TUBGCP2: variants seen among roughly 807,000 people sequenced by gnomAD.
TUBGCP2 encodes the protein tubulin gamma complex component 2, also known as gamma-tubulin complex component 2.
A neutral mutation model predicts 92.2 loss-of-function variants in TUBGCP2; 55 were observed. The ratio of observed to expected loss-of-function variants is 0.60; its 90% confidence interval spans 0.48 to 0.75. The LOEUF is 0.75. Among genes scored for constraint, TUBGCP2 ranks in the 30% least tolerant of loss-of-function variants. TUBGCP2 has a pLI of 0.00. For synonymous variants in TUBGCP2, 533 were observed against 505.2 expected (o/e 1.06, Z -0.74); for missense variants, 1,093 against 1,188.9 (o/e 0.92, Z 1.19).
chr10:133,298,145 A>G (rs758794969), intron 4 of TUBGCP2, 34 bp from the exon 5 acceptor site: 17 of 1,606,540 alleles, frequency 1.1e-5, no homozygotes, highest in Non-Finnish European at 1.4e-5. Context: ...AAAACCAGAA[A>G]GATACACTTT....
Position 133,305,370 on chromosome 10 carries a change from A to G in TUBGCP2, c.-39-2390T>C, listed in dbSNP as rs1253916406. 3.3e-5 allele frequency among the ~76,000 whole-genome samples: 5 copies of G among 152,168 alleles called. 1 individual carries two copies. Among genetic ancestry groups the G allele is most frequent in the Admixed American group, 3.3e-4 (5 of 15,282 alleles). ...CATGACACACATGACCTTATCAATC[A>G]TTGGAGATGACTCACACTCTTTACC... On this transcript the variant is annotated intron_variant, in intron 1 of 17. Coordinates refer to ENST00000252936, the MANE Select transcript of TUBGCP2 (RefSeq NM_006659.4).
rs561741973 is a variant in TUBGCP2 at position 133,297,772 on chromosome 10, G to A, written c.616+180C>T. Among the ~76,000 whole-genome samples, 9 of 152,380 alleles carry A rather than the reference G, an allele frequency of 5.9e-5. No homozygotes were observed. In the South Asian group the frequency reaches 1.2e-3, roughly 21 times the overall value. ...CATCCTGGGATGGGAATATGGAGGC[G>A]GCAGCCAGTCAGCATTGAGCCTCAC... is the stretch of plus-strand genomic sequence containing the variant. On this transcript the variant is annotated intron_variant, in intron 5 of 17. Transcript: ENST00000252936.
upstream of TUBGCP2, chr10:133,309,278 G>T (rs1847926986): frequency 5.0e-6 from 7 of 1,403,454 alleles, no homozygotes; most frequent in South Asian, 9.4e-5. Flanking sequence ...GCCTGAGGCT[G>T]TGGGGCGGGA....
At chr10:133,282,198 C>T (rs1298775044) in intron 16 of TUBGCP2, 25 bp downstream of exon 16, 2 of 1,611,098 alleles carry the variant, frequency 1.2e-6, no homozygotes, top group South Asian at 2.2e-5. Flanking sequence ...GCGTCTCTCT[C>T]TGGCCAAACC....
At position 133,282,277 on chromosome 10, in the gene TUBGCP2, G is replaced by A. The variant is rs1847003521; in HGVS notation, c.2355C>T (p.Val785=). The change falls in exon 16 of 18, where the codon GTC becomes GTT. Residue 785 remains valine (V), a synonymous_variant. Transcript: ENST00000252936. ...CCTCGGCCCCTGCGGGCAGCCCCAG[G>A]ACGGTGCTGTGCTCCAGCGTCTGCC... The part of the protein sequence containing the change: ...LGGQTLEHST[V]LGLPAGAEER... 6.2e-7 allele frequency: 1 copy of A among 1,609,930 alleles called. No homozygotes were observed. The highest frequency in any genetic ancestry group is 1.3e-5 in the African/African-American group (1 of 74,832).
chr10:133,284,953 C>T (rs1271494522), intron 13 of TUBGCP2, 132 bp downstream of exon 13: 9 of 1,342,910 alleles, frequency 6.7e-6, no homozygotes, highest in African/African-American at 4.4e-5. Flanking sequence ...CACCAACGTG[C>T]GCTTCCAGAT....
At chr10:133,286,762 T>A (rs775207629) in intron 11 of TUBGCP2, among the ~76,000 whole-genome samples, 4 of 152,160 alleles carry the variant, frequency 2.6e-5, no homozygotes, top group Non-Finnish European at 5.9e-5. Flanking sequence ...TTCACAAACA[T>A]GTGGAAGTTA....
intron 2 of TUBGCP2, among the ~76,000 whole-genome samples, chr10:133,301,055 G>C (rs3008349): frequency 0.21 from 31,524 of 151,998 alleles, 4,084 homozygotes; most frequent in African/African-American, 0.36. Context: ...TGTATTCCCC[G>C]CAGTAGTTTA....
chr10:133,283,447 G>A (rs985279163), intron 14 of TUBGCP2, among the ~76,000 whole-genome samples: 4 of 152,242 alleles, frequency 2.6e-5, no homozygotes, highest in African/African-American at 4.8e-5. Flanking sequence ...GGGAGGCTGC[G>A]GCAGCTTCTG....
chr10:133,301,260 C>CT (rs1258866451), intron 2 of TUBGCP2, among the ~76,000 whole-genome samples: 2 of 152,176 alleles, frequency 1.3e-5, no homozygotes, highest in Non-Finnish European at 2.9e-5. Flanking sequence ...TCCTGAGTAG[C>CT]TGCATTACTG....
chr10:133,311,102 G>A (rs1237566297), upstream of TUBGCP2, among the ~76,000 whole-genome samples: 3 of 152,080 alleles, frequency 2.0e-5, no homozygotes, highest in Non-Finnish European at 2.9e-5. Context: ...ATGTCCAGCC[G>A]GAACAATTTT....
chr10:133,283,239 A>C lies in TUBGCP2; in HGVS notation c.2146-18T>G. The C allele has an allele frequency of 6.2e-7, 1 of 1,613,690 alleles. No individual in the cohort carries two copies. The highest frequency in any genetic ancestry group is 8.5e-7 in the Non-Finnish European group (1 of 1,179,624). ...TTGGAGGCCTGCGGGGAACAGGCCA[A>C]GCCCCTTCTCAGAAAGACGTGGCTG... On this transcript the variant is annotated intron_variant, in intron 14 of 17. Coordinates refer to ENST00000252936, the MANE Select transcript of TUBGCP2 (RefSeq NM_006659.4).
chr10:133,294,656 C>T (rs1012153703), intron 5 of TUBGCP2, among the ~76,000 whole-genome samples: 1 of 151,892 alleles, frequency 6.6e-6, no homozygotes, highest in Non-Finnish European at 1.5e-5. Context: ...CACTCTGTCA[C>T]CCAGTCTGGA....
chr10:133,311,492 A>G, upstream of TUBGCP2: 1 of 487,016 alleles, frequency 2.1e-6, no homozygotes, highest in South Asian at 3.8e-5. Context: ...TGTTACAGTT[A>G]AGTTTATAAG....
chr10:133,294,059 A>G (rs925120569), intron 5 of TUBGCP2, among the ~76,000 whole-genome samples: 7 of 152,236 alleles, frequency 4.6e-5, no homozygotes, highest in African/African-American at 7.2e-5. Flanking sequence ...TGAAGTTAGG[A>G]GTTGAAAAGG....
At position 133,308,807 on chromosome 10, in the gene TUBGCP2, T is replaced by G; in HGVS notation, c.-40+16A>C. 78 of 623,854 alleles carry G rather than the reference T, an allele frequency of 1.3e-4. No homozygotes were observed. The highest frequency in any genetic ancestry group is 5.5e-4 in the Middle Eastern group (1 of 1,824). 38.6% of individuals were successfully genotyped at this position (623,854 alleles called of 1,614,324 possible). On this transcript the variant is annotated intron_variant, in intron 1 of 17. Coordinates refer to ENST00000252936, the MANE Select transcript of TUBGCP2 (RefSeq NM_006659.4). The stretch of plus-strand genomic sequence containing the variant: ...CCCCCTCATCACGCCCGCGCCCGCG[T>G]TCGGCCAGGACTCACCGCAGTCCCG...
At chr10:133,310,260 C>T (rs775173794), upstream of TUBGCP2, 9 of 1,613,860 alleles carry the variant, frequency 5.6e-6, no homozygotes, top group African/African-American at 2.7e-5. Context: ...CGCGGACTTC[C>T]GGTTTGATAA....
chr10:133,312,162 A>ATCACCTGTGCCGTCTGCGTTTCTAGCG (rs1193451546), upstream of TUBGCP2: 7,678 of 1,335,864 alleles, frequency 5.7e-3, 481 homozygotes, highest in South Asian at 0.015. Context: ...CCTTAATAGC[A>ATCACCTGTGCCGTCTGCGTTTCTAGCG]TCACCTGTGC....
At position 133,285,707 on chromosome 10, in the gene TUBGCP2, TCA is replaced by T; in HGVS notation, c.1723-81_1723-80del. On this transcript the variant is annotated intron_variant, in intron 11 of 17. Transcript: ENST00000252936. The surrounding 1 kb of genome is among the most constrained non-coding windows in gnomAD (Gnocchi z 6.8). ...GTCGCATCCCGATCGCCATCCTCGCTCACAGACCCAGCGCTGACGTAAGGTTC... is the reference window on the plus strand; with the variant it reads ...GTCGCATCCCGATCGCCATCCTCGCTCAGACCCAGCGCTGACGTAAGGTTC... The T allele has an allele frequency of 7.2e-7, 1 of 1,391,550 alleles. No homozygotes were observed. Among genetic ancestry groups the T allele is most frequent in the Non-Finnish European group, 9.5e-7 (1 of 1,055,116 alleles). 86.2% of individuals were successfully genotyped at this position (1,391,550 alleles called of 1,614,324 possible).
Sources: gnomAD v4.1 joint callset for allele counts (sites outside exome capture counted in the v4.1 genomes callset) on GRCh38, gnomAD v4.1.1 for gene constraint, Gnocchi (gnomAD v3.1) non-coding constraint, MANE v1.5 for transcripts, NCBI Gene and HGNC (gene_info 2026-07-23, HGNC 2026-07-21) for gene names.